The following RLF variants were observed in gnomAD, a reference collection of about 807,000 sequenced individuals.
The protein encoded by RLF is RLF zinc finger.
RLF carries 7 observed loss-of-function variants against 162.9 expected under a neutral mutation model. The observed-to-expected ratio is 0.04, with a 90% CI of 0.02 to 0.08. The LOEUF is 0.08. Among genes scored for constraint, RLF ranks in the 10% least tolerant of loss-of-function variants. The probability of loss-of-function intolerance (pLI) is 1.00; values close to 1 mark genes in which losing one functional copy is unlikely to be tolerated. For missense variants in RLF, 1,664 were observed against 2,244.7 expected, an observed-to-expected ratio of 0.74 and a Z score of 5.23; for synonymous variants, 782 against 791.5, an observed-to-expected ratio of 0.99 and a Z score of 0.20.
rs535586188 is a variant in RLF at position 40,195,826 on chromosome 1, G to C, written c.607+62G>C. The C allele has an allele frequency of 2.1e-5, 31 of 1,509,688 alleles. No homozygotes were observed. In the South Asian group the frequency reaches 3.9e-4, roughly 19 times the overall value. The allele number at this position is 1,509,688 out of a possible 1,614,324, so 93.5% of individuals were successfully genotyped here. A position where few individuals can be genotyped will look rare whatever the true frequency, so the allele number is the denominator to read the frequency against. On this transcript the variant is annotated intron_variant, in intron 4 of 7. Transcript: ENST00000372771. Reference sequence around the variant, plus strand: ...CTGAGAACGTTGGAATTGATTATGGGTTAAAATTTTGGGAATTTAACTTGT... The same window carrying C: ...CTGAGAACGTTGGAATTGATTATGGCTTAAAATTTTGGGAATTTAACTTGT...
chr1:40,188,438 C>G (rs1040241795), intron 1 of RLF, among the ~76,000 whole-genome samples: 2 of 152,042 alleles, frequency 1.3e-5, no homozygotes, highest in Non-Finnish European at 2.9e-5. Context: ...CCATTGTAAC[C>G]AAATAAACTG....
chr1:40,237,629 G>A lies in RLF; in HGVS notation c.2927G>A (p.Arg976Gln), dbSNP rs376171628. 1.3e-5 allele frequency: 21 copies of A among 1,613,910 alleles called. 1 individual carries two copies. The highest frequency in any genetic ancestry group is 1.1e-4 in the South Asian group (10 of 91,060). ...GCAAGAGGAATGCAGAAACATTTAC[G>A]GAAGGTTCATCCATACCATTTCAAG... is the stretch of plus-strand genomic sequence containing the variant. ...KNARGMQKHL[R>Q]KVHPYHFKPK... Residue 976 changes from arginine (R) to glutamine (Q), a missense_variant, in exon 8 of 8, where the codon CGG becomes CAG. This residue lies in a region of RLF where 295 missense variants were observed against 317.4 expected (regional missense o/e 0.93). Transcript: ENST00000372771. This position sits in a 1 kb window ranked among gnomAD's most constrained non-coding sequence, Gnocchi z 4.4.
intron 1 of RLF, among the ~76,000 whole-genome samples, chr1:40,163,281 G>A (rs1321944341): frequency 6.6e-6 from 1 of 152,128 alleles, no homozygotes; most frequent in Non-Finnish European, 1.5e-5. Flanking sequence ...GTAGAGATTG[G>A]TAAGGACCCA....
chr1:40,210,597 G>A (rs1281391627), intron 5 of RLF, among the ~76,000 whole-genome samples: 2 of 152,238 alleles, frequency 1.3e-5, no homozygotes, highest in Non-Finnish European at 2.9e-5. Flanking sequence ...AGGCTTTGCA[G>A]TTAGGAAGTG....
At chr1:40,169,703 T>C (rs1483550938) in intron 1 of RLF, among the ~76,000 whole-genome samples, 2 of 151,656 alleles carry the variant, frequency 1.3e-5, no homozygotes, top group African/African-American at 4.8e-5. Flanking sequence ...AGCTTTTTTT[T>C]TTTTTTGAGA....
At position 40,190,856 on chromosome 1, in the gene RLF, G is replaced by A. The variant is rs777119103; in HGVS notation, c.474+3G>A. 1 of 1,601,724 alleles carries A rather than the reference G, an allele frequency of 6.2e-7. No individual in the cohort carries two copies. Among genetic ancestry groups the A allele is most frequent in the Non-Finnish European group, 8.5e-7 (1 of 1,172,780 alleles). On this transcript the variant is annotated splice_donor_region_variant and intron_variant, in intron 3 of 7. Coordinates refer to ENST00000372771, the MANE Select transcript of RLF (RefSeq NM_012421.4). ...TACCATTCCTTCAGTCTCTACAGGT[G>A]AGTTGATTTTAACTCAGAAAAGTTT... is the stretch of plus-strand genomic sequence containing the variant.
intron 5 of RLF, among the ~76,000 whole-genome samples, chr1:40,203,207 C>T (rs1313626641): frequency 6.6e-6 from 1 of 150,420 alleles, no homozygotes; most frequent in East Asian, 2.0e-4. Context: ...CTCTGCCTCC[C>T]GGGTTCAAGT....
At chr1:40,194,141 A>G (rs1642597620) in intron 3 of RLF, among the ~76,000 whole-genome samples, 1 of 101,870 alleles carries the variant, frequency 9.8e-6, no homozygotes, top group Non-Finnish European at 2.0e-5. Context: ...CTATTGGTAA[A>G]TACATTTTGT....
intron 5 of RLF, among the ~76,000 whole-genome samples, chr1:40,216,393 CAGG>C (rs1642924405): frequency 6.6e-6 from 1 of 151,790 alleles, no homozygotes; most frequent in African/African-American, 2.4e-5. Context: ...GAGGCTGAGG[CAGG>C]AGAATCGCTT....
chr1:40,169,600 G>A (rs1377792257), intron 1 of RLF, among the ~76,000 whole-genome samples: 2 of 136,990 alleles, frequency 1.5e-5, no homozygotes, highest in Admixed American at 7.3e-5. Context: ...TCCAGCCTGG[G>A]CGACAGAGCG....
At chr1:40,222,980 A>G (rs1643017963) in intron 6 of RLF, among the ~76,000 whole-genome samples, 1 of 151,068 alleles carries the variant, frequency 6.6e-6, no homozygotes, top group Non-Finnish European at 1.5e-5. Flanking sequence ...TCAATATGAA[A>G]CAAACCTGTG....
At chr1:40,195,506 T>A in intron 3 of RLF, 126 bp from the exon 4 acceptor site, 1 of 719,774 alleles carries the variant, frequency 1.4e-6, no homozygotes, top group South Asian at 2.3e-5. Context: ...TAGTCTTTTT[T>A]GGTTACTTAT....
At chr1:40,180,167 T>C (rs1011256486) in intron 1 of RLF, among the ~76,000 whole-genome samples, 3 of 152,214 alleles carry the variant, frequency 2.0e-5, no homozygotes, top group African/African-American at 7.2e-5. Flanking sequence ...CATACCATTT[T>C]CCAAACCACT....
intron 5 of RLF, 90 bp from the exon 6 acceptor site, chr1:40,222,484 T>C: frequency 8.4e-7 from 1 of 1,189,842 alleles, no homozygotes; most frequent in Non-Finnish European, 1.2e-6. Flanking sequence ...GTCTCTAATT[T>C]TTGCCTCATT....
At chr1:40,178,995 C>T (rs555885795) in intron 1 of RLF, among the ~76,000 whole-genome samples, 27 of 151,976 alleles carry the variant, frequency 1.8e-4, no homozygotes, top group South Asian at 1.5e-3. Context: ...CCACCACGCC[C>T]GGCTAATTTT....
intron 5 of RLF, among the ~76,000 whole-genome samples, chr1:40,216,448 A>G (rs1241540560): frequency 6.6e-6 from 1 of 151,616 alleles, no homozygotes; most frequent in East Asian, 1.9e-4. Flanking sequence ...AGATTGTGCC[A>G]TTGCACTCCA....
In RLF at chr1:40,236,862, A is replaced by C; in HGVS notation, c.2160A>C (p.Arg720=). The part of the protein sequence containing the change: ...KNRREKCTYC[R]RHFMSAFHLR... ...GAAGAGAGAAGTGTACTTACTGTCG[A>C]CGACATTTTATGTCTGCTTTTCACC... The change falls in exon 8 of 8, where the codon CGA becomes CGC. Residue 720 remains arginine, a synonymous_variant. Coordinates refer to ENST00000372771, the MANE Select transcript of RLF (RefSeq NM_012421.4). The surrounding 1 kb of genome is among the most constrained non-coding windows in gnomAD (Gnocchi z 7.7). 6.2e-7 allele frequency: 1 copy of C among 1,614,210 alleles called. No individual in the cohort carries two copies. Among genetic ancestry groups the C allele is most frequent in the Non-Finnish European group, 8.5e-7 (1 of 1,180,036 alleles).
At chr1:40,234,049 A>G (rs1401560303) in intron 7 of RLF, among the ~76,000 whole-genome samples, 1 of 152,206 alleles carries the variant, frequency 6.6e-6, no homozygotes, top group Non-Finnish European at 1.5e-5. Flanking sequence ...CCCAGGTTCA[A>G]GGGATTCTGA....
At chr1:40,200,999 C>A (rs1160055132) in intron 4 of RLF, among the ~76,000 whole-genome samples, 3 of 94,210 alleles carry the variant, frequency 3.2e-5, no homozygotes, top group Non-Finnish European at 6.1e-5. Context: ...GTGGTTTATC[C>A]TTAGTATAAA....
Sources: gnomAD v4.1 joint callset for allele counts (sites outside exome capture counted in the v4.1 genomes callset) on GRCh38, gnomAD v4.1.1 for gene constraint, gnomAD v4.1.1 regional missense constraint, Gnocchi (gnomAD v3.1) non-coding constraint, MANE v1.5 for transcripts, NCBI Gene and HGNC (gene_info 2026-07-23, HGNC 2026-07-21) for gene names.